The following SCAPER variants were observed in gnomAD, a reference collection of about 807,000 sequenced individuals.
SCAPER encodes the protein S-phase cyclin A associated protein in the ER, also known as S phase cyclin A-associated protein in the endoplasmic reticulum.
SCAPER carries 98 observed loss-of-function variants against 182.2 expected under a neutral mutation model. That is an observed-to-expected ratio of 0.54 (90% CI 0.46 to 0.64). The LOEUF (loss-of-function observed/expected upper bound fraction) is 0.64, where lower values mean the gene tolerates loss of function less well. Ranked by LOEUF, SCAPER falls within the 30% of genes least tolerant of loss-of-function variation. SCAPER has a pLI of 0.00. For missense variants in SCAPER, 1,432 were observed against 1,690.0 expected (o/e 0.85, Z 2.68); for synonymous variants, 605 against 564.6 (o/e 1.07, Z -1.01).
intron 21 of SCAPER, among the ~76,000 whole-genome samples, chr15:76,649,988 C>G (rs1354275185): frequency 6.6e-6 from 1 of 151,880 alleles, no homozygotes; most frequent in Non-Finnish European, 1.5e-5. Flanking sequence ...AAGATTGGAA[C>G]AAAATTAAAA....
rs182486417 is a variant in SCAPER, at chr15:76,701,712, T to C, written c.2508+46A>G. On this transcript the variant is annotated intron_variant, in intron 20 of 31. Coordinates refer to ENST00000563290, the MANE Select transcript of SCAPER (RefSeq NM_020843.4). ...ATTCTTTATAATAAAACAGCACATA[T>C]TGGGTACTCAATAAACAATTGTAAA... is the stretch of plus-strand genomic sequence containing the variant. 74 of 1,398,272 alleles carry C rather than the reference T, an allele frequency of 5.3e-5. No individual in the cohort carries two copies. In the African/African-American group the frequency reaches 8.5e-4, roughly 16 times the overall value. The allele number at this position is 1,398,272 out of a possible 1,614,324, so 86.6% of individuals were successfully genotyped here.
At position 76,381,574 on chromosome 15, in the gene SCAPER, C is replaced by T. The variant is rs1302892748; in HGVS notation, c.3509G>A (p.Gly1170Glu). ...GGTTGCCTGAAGAGCAGCTGTCAGC[C>T]CTGTGGGATCCTGGCGATTATTGTC... ...IFDNNRQDPT[G>E]LTAALQATDL... Residue 1170 changes from glycine (G) to glutamate (E), a missense_variant, in exon 28 of 32, where the codon GGG becomes GAG. This residue lies in a region of SCAPER where 718 missense variants were observed against 799.7 expected (regional missense o/e 0.90). Coordinates refer to ENST00000563290, the MANE Select transcript of SCAPER (RefSeq NM_020843.4). 6.2e-7 allele frequency: 1 copy of T among 1,606,956 alleles called. No homozygotes were observed.
chr15:76,440,920 T>C (rs1241685881), intron 25 of SCAPER, among the ~76,000 whole-genome samples: 7 of 130,076 alleles, frequency 5.4e-5, no homozygotes, highest in Admixed American at 7.5e-5. Flanking sequence ...TTTTTTTTGT[T>C]TTTTTTTTTT....
intron 23 of SCAPER, among the ~76,000 whole-genome samples, chr15:76,530,954 G>GGTATATATGTGTATATATAC (rs2043608760): frequency 6.6e-6 from 1 of 150,454 alleles, no homozygotes; most frequent in African/African-American, 2.4e-5. Flanking sequence ...TGTATATACA[G>GGTATATATGTGTATATATAC]GTATATATGT....
chr15:76,521,821 T>C (rs1028790147), intron 23 of SCAPER, among the ~76,000 whole-genome samples: 4 of 152,184 alleles, frequency 2.6e-5, no homozygotes, highest in Non-Finnish European at 5.9e-5. Context: ...ATTAAATTTG[T>C]TTCTATGGCA....
chr15:76,443,789 A>T (rs943030390), intron 25 of SCAPER, among the ~76,000 whole-genome samples: 2 of 152,216 alleles, frequency 1.3e-5, no homozygotes, highest in African/African-American at 4.8e-5. Flanking sequence ...ATTTTAAACA[A>T]GGGGGATTAA....
At chr15:76,575,787 C>T (rs889948643) in intron 22 of SCAPER, among the ~76,000 whole-genome samples, 1 of 152,222 alleles carries the variant, frequency 6.6e-6, no homozygotes, top group Non-Finnish European at 1.5e-5. Flanking sequence ...AAAATACTTA[C>T]TGAACTAACT....
intron 18 of SCAPER, among the ~76,000 whole-genome samples, chr15:76,703,695 C>T (rs1433009262): frequency 1.3e-5 from 2 of 152,166 alleles, no homozygotes; most frequent in Non-Finnish European, 2.9e-5. Context: ...TCATATTAGA[C>T]TAAGTGTCCT....
chr15:76,767,117 A>C (rs1037960085), intron 10 of SCAPER, 29 bp from the exon 11 acceptor site: 2 of 1,526,382 alleles, frequency 1.3e-6, no homozygotes, highest in African/African-American at 2.8e-5. Flanking sequence ...ATAAACAAAA[A>C]GAAAAATGAT....
At chr15:76,539,141 C>T (rs1647995590) in intron 23 of SCAPER, among the ~76,000 whole-genome samples, 1 of 150,804 alleles carries the variant, frequency 6.6e-6, no homozygotes, top group Non-Finnish European at 1.5e-5. Context: ...AATTGCTATA[C>T]AAAACTGCAA....
Position 76,539,847 on chromosome 15 carries a change from A to T in SCAPER, c.2838+34311T>A, listed in dbSNP as rs544186797. On this transcript the variant is annotated intron_variant, in intron 23 of 31. Transcript: ENST00000563290. The stretch of plus-strand genomic sequence containing the variant: ...GGCGTGAGCCACTGCGCCTGGCCTA[A>T]AATCAAAATTTCAATTCCACATTCA... 3.3e-5 allele frequency among the ~76,000 whole-genome samples: 5 copies of T among 152,262 alleles called. No homozygotes were observed. In the South Asian group the frequency reaches 1.0e-3, roughly 32 times the overall value.
chr15:76,598,613 A>T (rs2049681632), intron 22 of SCAPER, among the ~76,000 whole-genome samples: 1 of 121,798 alleles, frequency 8.2e-6, no homozygotes, highest in South Asian at 2.5e-4. Flanking sequence ...ATGGAATACT[A>T]TATAGCCATA....
chr15:76,400,902 A>G (rs1038458403), intron 27 of SCAPER, among the ~76,000 whole-genome samples: 1 of 151,714 alleles, frequency 6.6e-6, no homozygotes, highest in African/African-American at 2.4e-5. Context: ...ACATAATAAA[A>G]TAAATTATAT....
chr15:76,678,824 T>G (rs1298841116), intron 20 of SCAPER, among the ~76,000 whole-genome samples: 1 of 152,152 alleles, frequency 6.6e-6, no homozygotes, highest in Non-Finnish European at 1.5e-5. Flanking sequence ...CTGAAGATAA[T>G]AAGTTAGGGT....
At chr15:76,859,796 A>G (rs937781870) in intron 3 of SCAPER, among the ~76,000 whole-genome samples, 1 of 151,974 alleles carries the variant, frequency 6.6e-6, no homozygotes, top group African/African-American at 2.4e-5. Context: ...CAGTGGCGCG[A>G]TCTCGGCTCA....
At chr15:76,822,802 C>T (rs1033706293) in intron 5 of SCAPER, among the ~76,000 whole-genome samples, 2 of 152,026 alleles carry the variant, frequency 1.3e-5, no homozygotes, top group African/African-American at 4.8e-5. Context: ...AAGCACAGGC[C>T]ACTAAAATCT....
intron 18 of SCAPER, among the ~76,000 whole-genome samples, chr15:76,705,333 A>G (rs1337588076): frequency 2.8e-5 from 4 of 143,602 alleles, no homozygotes; most frequent in African/African-American, 1.0e-4. Context: ...TCACTCATAG[A>G]TGGGAATTGA....
intron 1 of SCAPER, among the ~76,000 whole-genome samples, chr15:76,902,495 T>C (rs199537435): frequency 6.6e-6 from 1 of 152,164 alleles, no homozygotes; most frequent in African/African-American, 2.4e-5. Flanking sequence ...GAATTTTTTT[T>C]TAAAAAAAGG....
chr15:76,831,138 G>T (rs750139740), intron 5 of SCAPER, among the ~76,000 whole-genome samples: 6 of 152,146 alleles, frequency 3.9e-5, no homozygotes, highest in Non-Finnish European at 8.8e-5. Flanking sequence ...AGCTACTATG[G>T]AGCATGGCCA....
Sources: gnomAD v4.1 joint callset for allele counts (sites outside exome capture counted in the v4.1 genomes callset) on GRCh38, gnomAD v4.1.1 for gene constraint, gnomAD v4.1.1 regional missense constraint, MANE v1.5 for transcripts, NCBI Gene and HGNC (gene_info 2026-07-23, HGNC 2026-07-21) for gene names.